The following TMEM232 variants were observed in gnomAD, a reference collection of about 807,000 sequenced individuals.
The protein encoded by TMEM232 is transmembrane protein 232.
In TMEM232, 80 loss-of-function variants were observed where a neutral mutation model predicts 78.8. That is an observed-to-expected ratio of 1.01 (90% CI 0.85 to 1.22). The LOEUF (loss-of-function observed/expected upper bound fraction) is 1.22. Among genes scored for constraint, TMEM232 ranks in the 50% most tolerant of loss-of-function variants. The probability of loss-of-function intolerance (pLI) is 0.00; values close to 1 mark genes in which losing one functional copy is unlikely to be tolerated. For missense variants in TMEM232, 881 were observed against 742.2 expected, an observed-to-expected ratio of 1.19 and a Z score of -2.17; for synonymous variants, 297 against 254.3, an observed-to-expected ratio of 1.17 and a Z score of -1.60.
intron 12 of TMEM232, among the ~76,000 whole-genome samples, chr5:110,453,614 C>G (rs763532570): frequency 2.0e-5 from 3 of 152,048 alleles, no homozygotes; most frequent in African/African-American, 7.2e-5. Flanking sequence ...CTTGATAGTA[C>G]GGTGCTTATT....
At chr5:110,552,274 G>A (rs868789371) in intron 11 of TMEM232, among the ~76,000 whole-genome samples, 9 of 151,984 alleles carry the variant, frequency 5.9e-5, no homozygotes, top group South Asian at 4.2e-4. Flanking sequence ...TTAGAGTAAC[G>A]TATTACTAAC....
At chr5:110,524,363 AAAAGAAAGAAAGAAAGAAAGAAAGAAAG>A (rs756039290) in intron 12 of TMEM232, among the ~76,000 whole-genome samples, 74 of 120,388 alleles carry the variant, frequency 6.1e-4, no homozygotes, top group East Asian at 3.8e-3. Flanking sequence ...AAGAAAGAAA[AAAAGAAAGAAAGAAAGAAAGAAAGAAAG>A]AAAGAAAGAA....
intron 1 of TMEM232, among the ~76,000 whole-genome samples, chr5:110,690,675 A>G (rs1236624905): frequency 6.6e-6 from 1 of 152,166 alleles, no homozygotes; most frequent in African/African-American, 2.4e-5. Context: ...ACATGCACAC[A>G]TATGCTTATT....
rs1768290178 is a variant in TMEM232 at position 110,514,432 on chromosome 5, G to T, written c.1703+14156C>A. On this transcript the variant is annotated intron_variant, in intron 12 of 13. Transcript: ENST00000455884. Reference sequence around the variant, plus strand: ...TATTCTAAAGAAAATAAATATTTTAGAACATCTAGTAAATTATGGAACAAA... The same window carrying T: ...TATTCTAAAGAAAATAAATATTTTATAACATCTAGTAAATTATGGAACAAA... 2.0e-5 allele frequency among the ~76,000 whole-genome samples: 3 copies of T among 151,828 alleles called. No homozygotes were observed. The South Asian group carries it at 6.2e-4, about 32-fold the overall frequency.
At chr5:110,652,599 G>A (rs931459845) in intron 2 of TMEM232, among the ~76,000 whole-genome samples, 1 of 152,026 alleles carries the variant, frequency 6.6e-6, no homozygotes, top group South Asian at 2.1e-4. Flanking sequence ...TGTAAATCCT[G>A]AGTCCTTTAA....
chr5:110,552,876 T>C (rs1419984959), intron 11 of TMEM232, among the ~76,000 whole-genome samples: 1 of 152,168 alleles, frequency 6.6e-6, no homozygotes, highest in Non-Finnish European at 1.5e-5. Context: ...GCTTTTGGTC[T>C]CACATTTAAG....
At chr5:110,727,844 G>T (rs1798309609), upstream of TMEM232, among the ~76,000 whole-genome samples, 1 of 152,150 alleles carries the variant, frequency 6.6e-6, no homozygotes, top group Non-Finnish European at 1.5e-5. Flanking sequence ...AATGAAAAGT[G>T]AAATTGACAA....
chr5:110,532,153 C>A (rs1771595157), intron 11 of TMEM232, among the ~76,000 whole-genome samples: 1 of 152,140 alleles, frequency 6.6e-6, no homozygotes, highest in South Asian at 2.1e-4. Flanking sequence ...AGAATAGCCG[C>A]AGCCCAGGAT....
intron 2 of TMEM232, among the ~76,000 whole-genome samples, chr5:110,659,656 A>T (rs896042936): frequency 4.6e-5 from 7 of 152,206 alleles, no homozygotes; most frequent in Non-Finnish European, 1.0e-4. Context: ...AATCAGACAC[A>T]TATTATAAAA....
intron 12 of TMEM232, among the ~76,000 whole-genome samples, chr5:110,521,273 C>G (rs1403342720): frequency 6.6e-6 from 1 of 152,148 alleles, no homozygotes; most frequent in Non-Finnish European, 1.5e-5. Context: ...CTTTAGAAAA[C>G]TATCTATTCA....
intron 2 of TMEM232, among the ~76,000 whole-genome samples, chr5:110,643,772 T>C (rs1787078647): frequency 6.6e-6 from 1 of 152,048 alleles, no homozygotes; most frequent in Admixed American, 6.6e-5. Context: ...TTCACAGTCC[T>C]ACTGGGGAGA....
In TMEM232 at chr5:110,496,177, A is replaced by G. The variant is rs577321341; in HGVS notation, c.1703+32411T>C. ...TAGTTTTATTTTGTAGGTTATTTCA[A>G]GAAGATTTTCGTTGTACATGTGCTG... On this transcript the variant is annotated intron_variant, in intron 12 of 13. Transcript: ENST00000455884. Among the ~76,000 whole-genome samples the G allele has an allele frequency of 1.8e-4, 27 of 152,008 alleles. No individual in the cohort carries two copies. The East Asian group carries it at 4.8e-3, about 27-fold the overall frequency.
In TMEM232 at chr5:110,472,532, G is replaced by GAAAT. The variant is rs569027773; in HGVS notation, c.1704-47620_1704-47617dup. On this transcript the variant is annotated intron_variant, in intron 12 of 13. Coordinates refer to ENST00000455884, the MANE Select transcript of TMEM232 (RefSeq NM_001039763.4). ...TCAAAATACCAATGAATTCTTTACA[G>GAAAT]AAATAGAAAAAATAGGGATCCTAAA... Among the ~76,000 whole-genome samples, 463 of 151,872 alleles carry GAAAT rather than the reference G, an allele frequency of 3.0e-3. 3 individuals are homozygous for GAAAT. The highest frequency in any genetic ancestry group is 0.011 in the African/African-American group (442 of 41,504).
chr5:110,529,975 T>A (rs910262340), intron 11 of TMEM232, among the ~76,000 whole-genome samples: 1 of 152,238 alleles, frequency 6.6e-6, no homozygotes, highest in South Asian at 2.1e-4. Context: ...TTGAGTATTA[T>A]CTGTCTTCAG....
chr5:110,405,948 A>C (rs1394600086), intron 2 of TMEM232, among the ~76,000 whole-genome samples: 1 of 152,022 alleles, frequency 6.6e-6, no homozygotes, highest in Non-Finnish European at 1.5e-5. Context: ...AGTAGAAAGA[A>C]GAAAAACACA....
At chr5:110,440,925 G>A (rs1758963077) in intron 12 of TMEM232, among the ~76,000 whole-genome samples, 1 of 152,156 alleles carries the variant, frequency 6.6e-6, no homozygotes, top group South Asian at 2.1e-4. Context: ...CAGTTCAATA[G>A]AAGCTTGCCT....
intron 12 of TMEM232, among the ~76,000 whole-genome samples, chr5:110,507,235 T>C (rs1308873947): frequency 1.3e-5 from 2 of 152,162 alleles, no homozygotes; most frequent in Non-Finnish European, 2.9e-5. Flanking sequence ...GACTTTTTAA[T>C]TCTTTTGATA....
intron 1 of TMEM232, among the ~76,000 whole-genome samples, chr5:110,737,601 T>G (rs1561591822): frequency 6.6e-6 from 1 of 152,224 alleles, no homozygotes; most frequent in African/African-American, 2.4e-5. Flanking sequence ...TTACCTTTTT[T>G]CAATTAGTAA....
At chr5:110,609,032 C>T (rs1781852559) in intron 8 of TMEM232, among the ~76,000 whole-genome samples, 1 of 152,048 alleles carries the variant, frequency 6.6e-6, no homozygotes. Flanking sequence ...TACACACATG[C>T]ACACATTTAT....
Sources: gnomAD v4.1 joint callset for allele counts (sites outside exome capture counted in the v4.1 genomes callset) on GRCh38, gnomAD v4.1.1 for gene constraint, MANE v1.5 for transcripts, NCBI Gene and HGNC (gene_info 2026-07-23, HGNC 2026-07-21) for gene names.